Variants in DCLRE1A observed in about 807,000 individuals in gnomAD.
DCLRE1A encodes DNA cross-link repair 1A, also known as DNA cross-link repair 1A protein.
Under a neutral mutation model 91.9 loss-of-function variants are expected in DCLRE1A, and 64 were observed. The observed-to-expected ratio is 0.70, with a 90% confidence interval of 0.57 to 0.86. The LOEUF (loss-of-function observed/expected upper bound fraction) is 0.86. Among genes scored for constraint, DCLRE1A ranks in the 40% least tolerant of loss-of-function variants. The pLI is 0.00. For synonymous variants in DCLRE1A, 416 were observed against 431.1 expected (o/e 0.96, Z 0.43); for missense variants, 1,145 against 1,213.3 (o/e 0.94, Z 0.84).
At chr10:113,838,863 C>G (rs533895099) in intron 7 of DCLRE1A, among the ~76,000 whole-genome samples, 1 of 152,124 alleles carries the variant, frequency 6.6e-6, no homozygotes, top group East Asian at 1.9e-4. Context: ...GTATTTATAG[C>G]CTTTCAAAGG....
chr10:113,846,540 T>G (rs1254936926), intron 3 of DCLRE1A, among the ~76,000 whole-genome samples: 1 of 152,188 alleles, frequency 6.6e-6, no homozygotes. Flanking sequence ...AATCCCAATA[T>G]GGCATTATTT....
intron 8 of DCLRE1A, among the ~76,000 whole-genome samples, chr10:113,836,756 A>G (rs1028119779): frequency 2.8e-4 from 43 of 152,144 alleles, no homozygotes; most frequent in African/African-American, 9.9e-4. Flanking sequence ...CCAATCTCAC[A>G]TTGTCATCTA....
At chr10:113,850,682 A>G in intron 1 of DCLRE1A, 38 bp from the exon 2 acceptor site, 2 of 1,478,486 alleles carry the variant, frequency 1.4e-6, no homozygotes, top group South Asian at 1.4e-5. Context: ...ACACGATCAA[A>G]GCATAGACTA....
At chr10:113,845,627 A>G (rs1845524289) in intron 4 of DCLRE1A, 58 bp downstream of exon 4, 2 of 1,264,938 alleles carry the variant, frequency 1.6e-6, no homozygotes, top group Non-Finnish European at 2.3e-6. Context: ...AATCATGCCA[A>G]TGTGTTGTCC....
intron 4 of DCLRE1A, 73 bp from the exon 5 acceptor site, chr10:113,844,317 A>G: frequency 1.3e-6 from 2 of 1,571,522 alleles, no homozygotes; most frequent in South Asian, 1.2e-5. Flanking sequence ...TTTCAATATC[A>G]ACAAGTTAGC....
In DCLRE1A at chr10:113,849,669, GAAGA is replaced by G. The variant is rs765240792; in HGVS notation, c.1432_1435del (p.Ser478ProfsTer16). ...TCTAATTGTATTTTGGGTTGGTTGGGAAGAAAGATACCCTTCTACCTGACTTTCA... is the reference window on the plus strand; with the variant it reads ...TCTAATTGTATTTTGGGTTGGTTGGGAAGATACCCTTCTACCTGACTTTCA... On this transcript the variant is annotated frameshift_variant, in exon 2 of 9. Transcript: ENST00000361384. LOFTEE classifies it high-confidence loss of function. The G allele has an allele frequency of 1.3e-5, 21 of 1,614,024 alleles. No homozygotes were observed. The highest frequency in any genetic ancestry group is 6.7e-5 in the East Asian group (3 of 44,890).
chr10:113,848,074 G>C (rs1016063876), intron 2 of DCLRE1A, among the ~76,000 whole-genome samples: 1 of 152,208 alleles, frequency 6.6e-6, no homozygotes, highest in African/African-American at 2.4e-5. Flanking sequence ...AGCACTTTGG[G>C]AGGCCGAGGC....
At chr10:113,835,942 TAAAA>T (rs548270350) in intron 8 of DCLRE1A, among the ~76,000 whole-genome samples, 3 of 150,998 alleles carry the variant, frequency 2.0e-5, no homozygotes, top group Non-Finnish European at 3.0e-5. Flanking sequence ...CTCAAAAAAT[TAAAA>T]AAAAATAATA....
At chr10:113,837,011 G>T (rs756511604) in intron 8 of DCLRE1A, 51 bp downstream of exon 8, 1 of 1,445,950 alleles carries the variant, frequency 6.9e-7, no homozygotes, top group Non-Finnish European at 9.2e-7. Context: ...TTTTTAAAAT[G>T]TAATTATAAA....
At chr10:113,842,967 TATC>T (rs1178772436) in intron 5 of DCLRE1A, among the ~76,000 whole-genome samples, 1 of 151,962 alleles carries the variant, frequency 6.6e-6, no homozygotes, top group Non-Finnish European at 1.5e-5. Context: ...TTGATATTAA[TATC>T]ATTTCTTACA....
chr10:113,847,300 C>A lies in DCLRE1A; in HGVS notation c.2161G>T (p.Val721Leu), dbSNP rs747837974. 1 of 1,613,966 alleles carries A rather than the reference C, an allele frequency of 6.2e-7. No homozygotes were observed. Among genetic ancestry groups the A allele is most frequent in the East Asian group, 2.2e-5 (1 of 44,860 alleles). Residue 721 changes from valine to leucine, a missense_variant, in exon 3 of 9, where the codon GTG (valine) becomes TTG (leucine). Transcript: ENST00000361384. ...AAATAGGCTGTGCAACCTTCAACCA[C>A]GCCATACTGAAAGGCATCAACTGTA... ...GFTVDAFQYG[V>L]VEGCTAYFLT...
intron 7 of DCLRE1A, among the ~76,000 whole-genome samples, chr10:113,839,052 G>A (rs1225341923): frequency 1.3e-5 from 2 of 152,198 alleles, no homozygotes; most frequent in East Asian, 1.9e-4. Flanking sequence ...GAGGCCGGGC[G>A]TGGTGGCTCA....
At chr10:113,841,364 C>CT (rs757795507) in intron 7 of DCLRE1A, 42 bp downstream of exon 7, 1 of 1,589,736 alleles carries the variant, frequency 6.3e-7, no homozygotes, top group Non-Finnish European at 8.6e-7. Flanking sequence ...ATCAGATTAC[C>CT]TTTTTTGTTC....
rs1845490177 is a variant in DCLRE1A, at chr10:113,844,105, T to C, written c.2518A>G (p.Thr840Ala). ...ACACACAAAAAAAGCCTCTCTTACG[T>C]GGTATCTAAGTACAGCATATGGACT... ...QKVHMLYLDT[T>A]YCSPEYTFPS... The change falls in exon 5 of 9, where the codon ACA becomes GCA. Residue 840 changes from threonine to alanine, a missense_variant and splice_region_variant. By Grantham distance (58) the Thr-to-Ala change is moderately conservative. Transcript: ENST00000361384. 1 of 1,613,912 alleles carries C rather than the reference T, an allele frequency of 6.2e-7. No individual in the cohort carries two copies. The highest frequency in any genetic ancestry group is 8.5e-7 in the Non-Finnish European group (1 of 1,179,968).
At chr10:113,844,695 G>A (rs2134658504) in intron 4 of DCLRE1A, among the ~76,000 whole-genome samples, 1 of 152,152 alleles carries the variant, frequency 6.6e-6, no homozygotes, top group East Asian at 1.9e-4. Context: ...CAGCACTTTG[G>A]GAGGCCGAAG....
At position 113,835,141 on chromosome 10, in the gene DCLRE1A, C is replaced by T. The variant is rs565423001; in HGVS notation, c.*11G>A. On this transcript the variant is annotated 3_prime_UTR_variant, in exon 9 of 9. Coordinates refer to ENST00000361384, the MANE Select transcript of DCLRE1A (RefSeq NM_014881.5). ...AGGAACTTAACTACTACTGAATCCT[C>T]GGAGGTATCATCAATATCCAGCTTC... 8.1e-6 allele frequency: 13 copies of T among 1,611,282 alleles called. No homozygotes were observed. The Admixed American group carries it at 1.0e-4, about 12-fold the overall frequency.
rs998440412 is a variant in DCLRE1A at position 113,853,194 on chromosome 10, T to C, written c.-12A>G. 33 of 1,522,492 alleles carry C rather than the reference T, an allele frequency of 2.2e-5. No individual in the cohort carries two copies. Among genetic ancestry groups the C allele is most frequent in the Non-Finnish European group, 2.9e-5 (33 of 1,143,624 alleles). The allele number at this position is 1,522,492 out of a possible 1,614,324, so 94.3% of individuals were successfully genotyped here. On this transcript the variant is annotated 5_prime_UTR_variant, in exon 1 of 9. Transcript: ENST00000361384. ...ATGTCTTCTAACATGGCAAAATGAT[T>C]TTATCATTCAAGAAGTATTAATCTT...
At chr10:113,842,677 T>A (rs1234966396) in intron 5 of DCLRE1A, among the ~76,000 whole-genome samples, 189 bp from the exon 6 acceptor site, 2 of 152,202 alleles carry the variant, frequency 1.3e-5, no homozygotes, top group Non-Finnish European at 2.9e-5. Context: ...AAGATCAAAT[T>A]GTAAGTTTTC....
At chr10:113,839,304 G>A (rs1845410252) in intron 7 of DCLRE1A, among the ~76,000 whole-genome samples, 1 of 134,122 alleles carries the variant, frequency 7.5e-6, no homozygotes, top group Admixed American at 8.0e-5. Context: ...CAGCCTGGTG[G>A]ACAGAGCGAG....
Sources: gnomAD v4.1 joint callset for allele counts (sites outside exome capture counted in the v4.1 genomes callset) on GRCh38, gnomAD v4.1.1 for gene constraint, MANE v1.5 for transcripts, NCBI Gene and HGNC (gene_info 2026-07-23, HGNC 2026-07-21) for gene names.